Variants in ARL15 observed in about 807,000 individuals in gnomAD.
ARL15 encodes ARF like GTPase 15, also known as ADP-ribosylation factor-like protein 15.
A neutral mutation model predicts 25.2 loss-of-function variants in ARL15; 19 were observed. That is an observed-to-expected ratio of 0.75 (90% confidence interval 0.53 to 1.10). The LOEUF (loss-of-function observed/expected upper bound fraction) is 1.10. Ranked by LOEUF, ARL15 falls within the 50% of genes least tolerant of loss-of-function variation. ARL15 has a pLI of 0.00. For missense variants in ARL15, 220 were observed against 246.0 expected, an observed-to-expected ratio of 0.89 and a Z score of 0.71; for synonymous variants, 94 against 86.8, an observed-to-expected ratio of 1.08 and a Z score of -0.46.
chr5:54,064,538 C>T (rs1399624451), intron 4 of ARL15, among the ~76,000 whole-genome samples: 2 of 152,192 alleles, frequency 1.3e-5, no homozygotes, highest in African/African-American at 4.8e-5. Flanking sequence ...GGCAGCATTG[C>T]ATCAGTCTTT....
intron 4 of ARL15, among the ~76,000 whole-genome samples, chr5:53,891,386 C>T (rs961782512): frequency 4.6e-5 from 7 of 152,152 alleles, no homozygotes; most frequent in East Asian, 1.9e-4. Flanking sequence ...TTCCTTACTG[C>T]GTGGGACTCT....
In ARL15 at chr5:54,113,359, C is replaced by G. The variant is rs375592157; in HGVS notation, c.305G>C (p.Gly102Ala). The G allele has an allele frequency of 4.3e-6, 7 of 1,613,810 alleles. No homozygotes were observed. Among genetic ancestry groups the G allele is most frequent in the East Asian group, 2.2e-5 (1 of 44,888 alleles). Reference sequence around the variant, plus strand: ...GGCACTGTCTAATACAAATATTACCCCTTGAGATCCTTGGTAGTAGCGGCT... The same window carrying G: ...GGCACTGTCTAATACAAATATTACCGCTTGAGATCCTTGGTAGTAGCGGCT... ...YWSRYYQGSQGVIFVLDSASS... is the reference protein window; with the variant it reads ...YWSRYYQGSQAVIFVLDSASS... Residue 102 changes from glycine (G) to alanine (A), a missense_variant, in exon 4 of 5, where the codon GGG (glycine) becomes GCG (alanine). Transcript: ENST00000504924.
chr5:54,054,729 G>A (rs1368658029), intron 4 of ARL15, among the ~76,000 whole-genome samples: 1 of 152,150 alleles, frequency 6.6e-6, no homozygotes, highest in Non-Finnish European at 1.5e-5. Context: ...GGCGGAGCTT[G>A]CAGTGAGCCA....
At chr5:54,046,399 T>G (rs993573955) in intron 4 of ARL15, among the ~76,000 whole-genome samples, 3 of 152,208 alleles carry the variant, frequency 2.0e-5, no homozygotes, top group Non-Finnish European at 4.4e-5. Flanking sequence ...GAGAATCACT[T>G]GAACCCAGGA....
chr5:53,975,713 C>T (rs760220804), intron 4 of ARL15, among the ~76,000 whole-genome samples: 11 of 152,208 alleles, frequency 7.2e-5, no homozygotes, highest in Non-Finnish European at 2.9e-5. Flanking sequence ...TCATATGATT[C>T]TTCTGGGGAA....
intron 4 of ARL15, among the ~76,000 whole-genome samples, chr5:53,902,106 A>C (rs1431954936): frequency 6.6e-6 from 1 of 152,156 alleles, no homozygotes; most frequent in Non-Finnish European, 1.5e-5. Flanking sequence ...ACAATTCCTG[A>C]TTCTATTTCA....
chr5:53,899,347 C>CAAAAAAAAAAAAAA (rs59145507), intron 4 of ARL15, among the ~76,000 whole-genome samples: 5 of 89,378 alleles, frequency 5.6e-5, no homozygotes, highest in African/African-American at 2.2e-4. Flanking sequence ...GACTCTATCC[C>CAAAAAAAAAAAAAA]AAAAAAAAAA....
chr5:54,056,071 G>C (rs983884052), intron 4 of ARL15, among the ~76,000 whole-genome samples: 1 of 152,104 alleles, frequency 6.6e-6, no homozygotes, highest in Non-Finnish European at 1.5e-5. Context: ...GCATACTGTA[G>C]AAAGTGTGTG....
At chr5:54,182,838 G>A (rs1442062974) in intron 1 of ARL15, among the ~76,000 whole-genome samples, 1 of 150,402 alleles carries the variant, frequency 6.6e-6, no homozygotes, top group Non-Finnish European at 1.5e-5. Context: ...GCAGTGGTTT[G>A]TAGTTCTCCT....
intron 1 of ARL15, among the ~76,000 whole-genome samples, chr5:54,299,035 T>C (rs1204450921): frequency 6.6e-6 from 1 of 151,866 alleles, no homozygotes; most frequent in Non-Finnish European, 1.5e-5. Flanking sequence ...TCCCAGGTAA[T>C]TGGGGCCACC....
At chr5:54,302,352 A>G (rs1195909534) in intron 1 of ARL15, among the ~76,000 whole-genome samples, 1 of 152,178 alleles carries the variant, frequency 6.6e-6, no homozygotes, top group Non-Finnish European at 1.5e-5. Flanking sequence ...TGGTTATGCA[A>G]TTCTGGGCAA....
At chr5:53,910,518 G>A (rs1298671056) in intron 4 of ARL15, among the ~76,000 whole-genome samples, 2 of 151,292 alleles carry the variant, frequency 1.3e-5, no homozygotes, top group African/African-American at 4.9e-5. Context: ...TAGAATTATG[G>A]TCTTAAATGA....
At chr5:54,114,308 G>A in intron 3 of ARL15, among the ~76,000 whole-genome samples, 1 of 148,774 alleles carries the variant, frequency 6.7e-6, no homozygotes, top group Admixed American at 6.8e-5. Flanking sequence ...TAAGGCTGAG[G>A]CAGGAGGATC....
intron 1 of ARL15, among the ~76,000 whole-genome samples, chr5:54,300,658 A>G (rs1561300857): frequency 6.6e-6 from 1 of 152,242 alleles, no homozygotes; most frequent in African/African-American, 2.4e-5. Flanking sequence ...CATCTTCCAC[A>G]TCCAATTACA....
Position 54,235,790 on chromosome 5 carries a change from T to A in ARL15, c.49-63862A>T, listed in dbSNP as rs143448724. Among the ~76,000 whole-genome samples, 950 of 152,296 alleles carry A rather than the reference T, an allele frequency of 6.2e-3. 8 individuals carry two copies. Among genetic ancestry groups the A allele is most frequent in the African/African-American group, 0.022 (912 of 41,552 alleles). On this transcript the variant is annotated intron_variant, in intron 1 of 4. Coordinates refer to ENST00000504924, the MANE Select transcript of ARL15 (RefSeq NM_019087.3). ...CCGGGCTATAGTAAAGTATTAACAT[T>A]TGTTATTTCTGGCAAGGAATATGCA...
chr5:54,189,619 C>G (rs2112452910), intron 1 of ARL15, among the ~76,000 whole-genome samples: 2 of 152,182 alleles, frequency 1.3e-5, no homozygotes, highest in East Asian at 3.9e-4. Flanking sequence ...GTACCCTTAC[C>G]TAATGCCATA....
Position 54,117,093 on chromosome 5 carries a change from T to C in ARL15, c.254-3683A>G, listed in dbSNP as rs1468313629. On this transcript the variant is annotated intron_variant, in intron 3 of 4. Transcript: ENST00000504924. Reference sequence around the variant, plus strand: ...TAAAGAGATATTTAGAAAGCCATTATTCCTCTTAACTGAAACCATCAAATC... The same window carrying C: ...TAAAGAGATATTTAGAAAGCCATTACTCCTCTTAACTGAAACCATCAAATC... Among the ~76,000 whole-genome samples the C allele has an allele frequency of 3.3e-5, 5 of 152,232 alleles. No homozygotes were observed. The East Asian group carries it at 9.6e-4, about 29-fold the overall frequency.
chr5:53,990,266 A>G (rs1416648911), intron 4 of ARL15, among the ~76,000 whole-genome samples: 12 of 151,948 alleles, frequency 7.9e-5, no homozygotes, highest in African/African-American at 2.7e-4. Context: ...AACACATCAT[A>G]TTGCTACAAA....
chr5:54,258,581 C>T (rs1254150910), intron 1 of ARL15, among the ~76,000 whole-genome samples: 2 of 152,088 alleles, frequency 1.3e-5, no homozygotes, highest in Non-Finnish European at 2.9e-5. Flanking sequence ...ACTATAATTC[C>T]CATACTGTCC....
Sources: gnomAD v4.1 joint callset for allele counts (sites outside exome capture counted in the v4.1 genomes callset) on GRCh38, gnomAD v4.1.1 for gene constraint, MANE v1.5 for transcripts, NCBI Gene and HGNC (gene_info 2026-07-23, HGNC 2026-07-21) for gene names.